Variants in TTC27 observed in about 807,000 individuals in gnomAD.
TTC27 encodes tetratricopeptide repeat protein 27.
In TTC27, 79 loss-of-function variants were observed where a neutral mutation model predicts 115.9. That is an observed-to-expected ratio of 0.68 (90% CI 0.57 to 0.82). The LOEUF (loss-of-function observed/expected upper bound fraction) is 0.82, where lower values mean the gene tolerates loss of function less well. TTC27 is among the 40% of genes least tolerant of loss of function. The pLI is 0.00. For missense variants in TTC27, 1,054 were observed against 993.1 expected (o/e 1.06, Z -0.82); for synonymous variants, 401 against 356.0 (o/e 1.13, Z -1.42).
chr2:32,818,822 T>G (rs1671591632), intron 19 of TTC27, among the ~76,000 whole-genome samples: 1 of 152,188 alleles, frequency 6.6e-6, no homozygotes, highest in Admixed American at 6.5e-5. Flanking sequence ...CTGAGTATTT[T>G]TTTGTTCTTA....
chr2:32,650,858 A>G (rs918013283), intron 5 of TTC27, among the ~76,000 whole-genome samples: 1 of 152,208 alleles, frequency 6.6e-6, no homozygotes, highest in Non-Finnish European at 1.5e-5. Context: ...ATTATAAGCC[A>G]AACATCCATG....
At chr2:32,663,372 A>T (rs746490581) in intron 5 of TTC27, among the ~76,000 whole-genome samples, 1 of 152,152 alleles carries the variant, frequency 6.6e-6, no homozygotes, top group African/African-American at 2.4e-5. Flanking sequence ...CTGGGTCAGA[A>T]TGCACCATTT....
At position 32,819,787 on chromosome 2, in the gene TTC27, C is replaced by A. The variant is rs1572642235; in HGVS notation, c.2410-1029C>A. 2.6e-5 allele frequency among the ~76,000 whole-genome samples: 4 copies of A among 152,148 alleles called. 1 individual carries two copies. In the East Asian group the frequency reaches 7.7e-4, roughly 29 times the overall value. On this transcript the variant is annotated intron_variant, in intron 19 of 19. Coordinates refer to ENST00000317907, the MANE Select transcript of TTC27 (RefSeq NM_017735.5). ...ATGAGAGTGCTGGAGAGCCTGGACA[C>A]AGAACAGATTTGACCCCTTACAGTC...
chr2:32,674,229 C>T (rs1666115240), intron 8 of TTC27, among the ~76,000 whole-genome samples: 2 of 151,436 alleles, frequency 1.3e-5, no homozygotes, highest in Non-Finnish European at 2.9e-5. Context: ...CGGCTCACTG[C>T]AACCTCCGCC....
At chr2:32,689,225 T>C (rs1315462630) in intron 9 of TTC27, among the ~76,000 whole-genome samples, 5 of 152,144 alleles carry the variant, frequency 3.3e-5, no homozygotes, top group Non-Finnish European at 7.4e-5. Flanking sequence ...GATGAACAAT[T>C]TCTATAATTT....
chr2:32,714,228 G>A (rs1185093589), intron 10 of TTC27, among the ~76,000 whole-genome samples: 14 of 146,348 alleles, frequency 9.6e-5, no homozygotes, highest in African/African-American at 2.3e-4. Context: ...GTACCATCTC[G>A]GCTCACTGAA....
chr2:32,628,777 A>ATTTATTTATTTT (rs546996839), intron 1 of TTC27, among the ~76,000 whole-genome samples: 112 of 143,976 alleles, frequency 7.8e-4, no homozygotes, highest in African/African-American at 2.2e-3. Flanking sequence ...TTATTTATTT[A>ATTTATTTATTTT]TTGAGACGGA....
At chr2:32,737,542 G>C (rs370535622) in intron 12 of TTC27, among the ~76,000 whole-genome samples, 1 of 152,160 alleles carries the variant, frequency 6.6e-6, no homozygotes, top group Non-Finnish European at 1.5e-5. Flanking sequence ...CCCTAAAAAA[G>C]AGCAATAGTG....
chr2:32,629,422 G>C (rs1007137849), intron 1 of TTC27, among the ~76,000 whole-genome samples: 1 of 151,698 alleles, frequency 6.6e-6, no homozygotes, highest in African/African-American at 2.4e-5. Context: ...GCACGGCCTA[G>C]GCGGCAATGA....
intron 1 of TTC27, among the ~76,000 whole-genome samples, chr2:32,628,659 A>G (rs765084583): frequency 1.3e-5 from 2 of 152,172 alleles, no homozygotes; most frequent in Non-Finnish European, 2.9e-5. Flanking sequence ...TATAGTAGAT[A>G]CTTAAGGTAG....
intron 9 of TTC27, among the ~76,000 whole-genome samples, chr2:32,686,046 C>A (rs969175079): frequency 6.6e-6 from 1 of 152,102 alleles, no homozygotes; most frequent in African/African-American, 2.4e-5. Flanking sequence ...ATTATATTTG[C>A]TAGCAATACT....
intron 12 of TTC27, among the ~76,000 whole-genome samples, chr2:32,745,158 T>C (rs1382424989): frequency 6.6e-6 from 1 of 151,758 alleles, no homozygotes; most frequent in Non-Finnish European, 1.5e-5. Flanking sequence ...TTTAGTAATA[T>C]GTTAAAACTA....
chr2:32,794,132 C>T (rs1558347375), intron 16 of TTC27, among the ~76,000 whole-genome samples: 2 of 152,078 alleles, frequency 1.3e-5, no homozygotes. Context: ...AAACATTCTA[C>T]CCAACAACAG....
chr2:32,700,365 T>C (rs1667142385), intron 9 of TTC27, among the ~76,000 whole-genome samples: 1 of 152,078 alleles, frequency 6.6e-6, no homozygotes, highest in African/African-American at 2.4e-5. Flanking sequence ...TGCAGACTTT[T>C]CCCACTGTTT....
At chr2:32,739,989 G>T (rs1668574437) in intron 12 of TTC27, among the ~76,000 whole-genome samples, 1 of 152,170 alleles carries the variant, frequency 6.6e-6, no homozygotes, top group Admixed American at 6.5e-5. Flanking sequence ...CGGTGTTGTA[G>T]GGTCTCAGAA....
At chr2:32,704,911 T>C (rs1172178580) in intron 10 of TTC27, 1 of 471,286 alleles carries the variant, frequency 2.1e-6, no homozygotes, top group Non-Finnish European at 4.4e-6. Context: ...ATTTGATCAT[T>C]CAGTAAGCTT....
intron 14 of TTC27, among the ~76,000 whole-genome samples, chr2:32,780,413 T>C (rs1374602759): frequency 6.6e-6 from 1 of 152,118 alleles, no homozygotes; most frequent in African/African-American, 2.4e-5. Flanking sequence ...TTTTTCATAC[T>C]ATTATAAATG....
intron 13 of TTC27, among the ~76,000 whole-genome samples, chr2:32,764,985 G>A (rs914154606): frequency 2.0e-5 from 3 of 152,126 alleles, no homozygotes; most frequent in Admixed American, 6.6e-5. Context: ...AATCTCGAAC[G>A]CTTAAAAGTC....
intron 17 of TTC27, among the ~76,000 whole-genome samples, chr2:32,811,986 C>T (rs918418110): frequency 6.6e-6 from 1 of 152,188 alleles, no homozygotes; most frequent in Non-Finnish European, 1.5e-5. Context: ...CACCTGCACA[C>T]ATGCACACCC....
Sources: gnomAD v4.1 joint callset for allele counts (sites outside exome capture counted in the v4.1 genomes callset) on GRCh38, gnomAD v4.1.1 for gene constraint, MANE v1.5 for transcripts, NCBI Gene and HGNC (gene_info 2026-07-23, HGNC 2026-07-21) for gene names.